Variants in NTM observed in about 807,000 individuals in gnomAD.
NTM encodes the protein IgLON family member 2.
In NTM, 13 loss-of-function variants were observed where a neutral mutation model predicts 42.1. That is an observed-to-expected ratio of 0.31 (90% CI 0.20 to 0.49). NTM has a LOEUF of 0.49. NTM is among the 20% of genes least tolerant of loss of function. The pLI is 0.99. For synonymous variants in NTM, 187 were observed against 179.2 expected, an observed-to-expected ratio of 1.04 and a Z score of -0.35; for missense variants, 373 against 452.8, an observed-to-expected ratio of 0.82 and a Z score of 1.60.
intron 1 of NTM, among the ~76,000 whole-genome samples, chr11:131,677,517 C>T (rs989571946): frequency 2.6e-5 from 4 of 152,190 alleles, no homozygotes; most frequent in Non-Finnish European, 4.4e-5. Context: ...CCAGGCAGGA[C>T]GGCTGCATAC....
At chr11:131,813,102 CA>C (rs879517225) in intron 1 of NTM, among the ~76,000 whole-genome samples, 3 of 152,202 alleles carry the variant, frequency 2.0e-5, no homozygotes, top group Admixed American at 2.0e-4. Flanking sequence ...TTGACAATCA[CA>C]AAAGTTATCA....
chr11:132,112,137 T>C (rs1356799273), intron 2 of NTM, among the ~76,000 whole-genome samples: 4 of 152,212 alleles, frequency 2.6e-5, no homozygotes, highest in Non-Finnish European at 5.9e-5. Context: ...TAGCCTTCTT[T>C]ATGTGGTGCA....
chr11:131,681,202 T>C (rs1287520740), intron 1 of NTM, among the ~76,000 whole-genome samples: 1 of 56,104 alleles, frequency 1.8e-5, no homozygotes, highest in African/African-American at 4.9e-5. Flanking sequence ...TGTATGTGAG[T>C]GTGTGTTTCT....
At chr11:131,721,221 G>T (rs2078289952) in intron 1 of NTM, among the ~76,000 whole-genome samples, 1 of 151,994 alleles carries the variant, frequency 6.6e-6, no homozygotes, top group African/African-American at 2.4e-5. Flanking sequence ...CTGGAACCCA[G>T]GAGACTGCAA....
intron 1 of NTM, among the ~76,000 whole-genome samples, chr11:131,888,908 ATT>A (rs71067344): frequency 1.5e-4 from 21 of 143,746 alleles, no homozygotes; most frequent in African/African-American, 2.3e-4. Context: ...ATTCCTCTTT[ATT>A]TTTTTTTTTT....
intron 1 of NTM, among the ~76,000 whole-genome samples, chr11:131,724,148 A>G (rs891623927): frequency 6.6e-6 from 1 of 152,128 alleles, no homozygotes. Context: ...GTGCTCAGGT[A>G]CCTGGGCCAC....
At chr11:131,618,950 A>G (rs1233990275) in intron 1 of NTM, among the ~76,000 whole-genome samples, 1 of 152,220 alleles carries the variant, frequency 6.6e-6, no homozygotes, top group Non-Finnish European at 1.5e-5. Context: ...TTTTCAGAGC[A>G]TATGTAGAGT....
chr11:132,173,136 C>A (rs1400631399), intron 3 of NTM, among the ~76,000 whole-genome samples: 3 of 152,172 alleles, frequency 2.0e-5, no homozygotes, highest in Non-Finnish European at 4.4e-5. Flanking sequence ...CCATGTCAAT[C>A]CAACTGTCTT....
In NTM at chr11:132,310,235, A is replaced by G; in HGVS notation, c.782+3A>G. 6.3e-7 allele frequency: 1 copy of G among 1,593,986 alleles called. No individual in the cohort carries two copies. The highest frequency in any genetic ancestry group is 8.5e-7 in the Non-Finnish European group (1 of 1,173,152). On this transcript the variant is annotated splice_donor_region_variant and intron_variant, in intron 6 of 8. Coordinates refer to ENST00000683400, the MANE Select transcript of NTM (RefSeq NM_001352005.2). ...CAGTGGTACAAGGATGACAAAAGGT[A>G]AAGCTTCCTTCTTTCCTATCCCACC...
At chr11:131,752,162 AG>A (rs2082641289) in intron 1 of NTM, among the ~76,000 whole-genome samples, 1 of 152,258 alleles carries the variant, frequency 6.6e-6, no homozygotes, top group Non-Finnish European at 1.5e-5. Context: ...ACTGATGGTA[AG>A]AATGGAAAAT....
At chr11:132,187,916 T>C (rs968624182) in intron 3 of NTM, among the ~76,000 whole-genome samples, 6 of 152,204 alleles carry the variant, frequency 3.9e-5, no homozygotes, top group African/African-American at 7.2e-5. Flanking sequence ...AATTGCAATC[T>C]GTCCCTCTGA....
chr11:131,580,601 A>G (rs567405311), intron 1 of NTM, among the ~76,000 whole-genome samples: 13 of 152,312 alleles, frequency 8.5e-5, no homozygotes, highest in Middle Eastern at 3.4e-3. Flanking sequence ...GTGACCTGAC[A>G]GATGGAGAGA....
At chr11:132,219,409 G>A (rs2084637619) in intron 4 of NTM, among the ~76,000 whole-genome samples, 3 of 152,112 alleles carry the variant, frequency 2.0e-5, no homozygotes, top group South Asian at 2.1e-4. Context: ...AGCACCAGAT[G>A]TTTTGGGGTC....
intron 1 of NTM, among the ~76,000 whole-genome samples, chr11:131,656,078 A>G (rs1876225): frequency 0.015 from 2,225 of 152,168 alleles, 60 homozygotes; most frequent in African/African-American, 0.05. Context: ...CTCATCTGCC[A>G]TTTTCCTGGG....
chr11:132,326,038 G>T (rs1428232333), intron 7 of NTM, among the ~76,000 whole-genome samples: 9 of 151,738 alleles, frequency 5.9e-5, no homozygotes, highest in African/African-American at 2.2e-4. Context: ...GACGGGGGAG[G>T]GATAGCATTA....
chr11:131,763,203 G>A (rs2084510692), intron 1 of NTM, among the ~76,000 whole-genome samples: 1 of 152,190 alleles, frequency 6.6e-6, no homozygotes, highest in Non-Finnish European at 1.5e-5. Context: ...TAAAAAATTA[G>A]CAAGTCAGTC....
At chr11:131,944,370 G>C (rs1593070680) in intron 2 of NTM, among the ~76,000 whole-genome samples, 2 of 152,188 alleles carry the variant, frequency 1.3e-5, no homozygotes, top group South Asian at 4.1e-4. Context: ...TATTTGGGAG[G>C]CCCCAGTTTT....
At chr11:131,431,896 C>T (rs978964579) in intron 1 of NTM, among the ~76,000 whole-genome samples, 2 of 152,250 alleles carry the variant, frequency 1.3e-5, no homozygotes, top group African/African-American at 4.8e-5. Flanking sequence ...CCCCATCAGA[C>T]ACTCCCCCAC....
chr11:132,242,006 G>A (rs1223549143), intron 4 of NTM, among the ~76,000 whole-genome samples: 1 of 152,214 alleles, frequency 6.6e-6, no homozygotes, highest in Non-Finnish European at 1.5e-5. Flanking sequence ...GCTATCAGAT[G>A]CAATCCCAGC....
Sources: allele counts gnomAD v4.1 joint callset (sites outside exome capture counted in the v4.1 genomes callset), GRCh38; gene constraint gnomAD v4.1.1; transcripts MANE v1.5; gene names NCBI Gene and HGNC (gene_info 2026-07-23, HGNC 2026-07-21).